The following LIMCH1 variants were observed in gnomAD, a reference collection of about 807,000 sequenced individuals.
LIMCH1 encodes the protein LIM and calponin homology domains-containing protein 1.
A neutral mutation model predicts 176.5 loss-of-function variants in LIMCH1; 113 were observed. That is an observed-to-expected ratio of 0.64 (90% CI 0.55 to 0.75). LIMCH1 has a LOEUF of 0.75. Among genes scored for constraint, LIMCH1 ranks in the 30% least tolerant of loss-of-function variants. The pLI, the probability that LIMCH1 is intolerant of heterozygous loss-of-function variation, is 0.00. For synonymous variants in LIMCH1, 619 were observed against 645.9 expected (o/e 0.96, Z 0.63); for missense variants, 1,674 against 1,814.9 (o/e 0.92, Z 1.41).
chr4:41,395,020 A>G (rs2057648836), intron 1 of LIMCH1, among the ~76,000 whole-genome samples: 1 of 152,234 alleles, frequency 6.6e-6, no homozygotes, highest in Non-Finnish European at 1.5e-5. Context: ...ATGAATTTAA[A>G]GATAGTATTG....
chr4:41,619,590 A>G, intron 6 of LIMCH1, 150 bp downstream of exon 6: 1 of 1,033,300 alleles, frequency 9.7e-7, no homozygotes, highest in East Asian at 2.6e-5. Context: ...CTTTGGAGAG[A>G]GCTTGTCAGG....
upstream of LIMCH1, chr4:41,538,092 C>T (rs1454829289): frequency 3.5e-6 from 3 of 856,286 alleles, no homozygotes; most frequent in African/African-American, 3.7e-5. Context: ...AGGGAATGGG[C>T]TTCTCCGCCT....
At chr4:41,682,590 C>A in intron 26 of LIMCH1, 130 bp downstream of exon 26, 9 of 755,450 alleles carry the variant, frequency 1.2e-5, no homozygotes, top group Admixed American at 3.4e-5. Context: ...TAATACATTA[C>A]ATATTGTTTG....
In LIMCH1 at chr4:41,692,357, T is replaced by G; in HGVS notation, c.4351T>G (p.Cys1451Gly). Residue 1451 changes from cysteine to glycine, a missense_variant, in exon 31 of 32, where the codon TGT (cysteine) becomes GGT (glycine). Transcript: ENST00000503057. ...DVRIRNGLLN[C>G]NDCYMRSRSA... ...TAGGATTCGAAATGGTCTCCTGAAC[T>G]GTAATGATTGCTACATGCGATCCAG... 6.2e-7 allele frequency: 1 copy of G among 1,612,148 alleles called. No homozygotes were observed. Among genetic ancestry groups the G allele is most frequent in the Non-Finnish European group, 8.5e-7 (1 of 1,178,288 alleles).
intron 1 of LIMCH1, among the ~76,000 whole-genome samples, chr4:41,435,375 C>T (rs968711529): frequency 2.6e-5 from 4 of 152,152 alleles, no homozygotes; most frequent in East Asian, 1.9e-4. Context: ...TCCTGTTCCC[C>T]GTGCCGAAGC....
At chr4:41,498,456 C>T (rs887008069) in intron 2 of LIMCH1, among the ~76,000 whole-genome samples, 7 of 152,172 alleles carry the variant, frequency 4.6e-5, no homozygotes, top group Non-Finnish European at 1.0e-4. Flanking sequence ...TTTTGCCATA[C>T]TCATGTCTCT....
At chr4:41,613,102 A>G in intron 4 of LIMCH1, 2 of 1,552,034 alleles carry the variant, frequency 1.3e-6, no homozygotes, top group East Asian at 2.4e-5. Flanking sequence ...AGTCAAGGTT[A>G]AGGTTTTGGT....
chr4:41,661,814 G>T (rs905922346), intron 19 of LIMCH1: 8 of 396,048 alleles, frequency 2.0e-5, no homozygotes, highest in African/African-American at 1.5e-4. Flanking sequence ...GCTAAAAATT[G>T]AGGGTAGGAT....
At chr4:41,493,904 A>G (rs1175219043) in intron 1 of LIMCH1, among the ~76,000 whole-genome samples, 1 of 152,112 alleles carries the variant, frequency 6.6e-6, no homozygotes, top group Non-Finnish European at 1.5e-5. Context: ...TATTGGCTTT[A>G]ATCTTCCCAT....
chr4:41,565,273 G>A (rs541009006), intron 1 of LIMCH1, among the ~76,000 whole-genome samples: 5 of 149,566 alleles, frequency 3.3e-5, no homozygotes, highest in African/African-American at 1.2e-4. Context: ...CTTGCTTTAT[G>A]CATAGTGATT....
intron 1 of LIMCH1, among the ~76,000 whole-genome samples, chr4:41,440,160 C>T (rs1382022714): frequency 6.6e-6 from 1 of 152,044 alleles, no homozygotes; most frequent in Non-Finnish European, 1.5e-5. Flanking sequence ...TTATTAGTTT[C>T]CCCTCTATAA....
chr4:41,544,739 C>T (rs1226571133), intron 1 of LIMCH1, among the ~76,000 whole-genome samples: 1 of 152,180 alleles, frequency 6.6e-6, no homozygotes, highest in East Asian at 1.9e-4. Flanking sequence ...GTTGCCACCA[C>T]GTTTCCCTCT....
intron 4 of LIMCH1, among the ~76,000 whole-genome samples, chr4:41,609,262 T>C (rs1000306540): frequency 1.3e-5 from 2 of 151,456 alleles, no homozygotes; most frequent in African/African-American, 4.8e-5. Context: ...TTTTTCATGA[T>C]ACTTATCATC....
chr4:41,448,042 T>C (rs1582345696), intron 1 of LIMCH1, among the ~76,000 whole-genome samples: 1 of 152,100 alleles, frequency 6.6e-6, no homozygotes, highest in East Asian at 1.9e-4. Context: ...CTGCCTGCCT[T>C]GGCCTCCCAA....
intron 26 of LIMCH1, among the ~76,000 whole-genome samples, chr4:41,683,037 C>T (rs1388999079): frequency 6.6e-6 from 1 of 152,080 alleles, no homozygotes; most frequent in Admixed American, 6.6e-5. Flanking sequence ...CAGTATCAGT[C>T]TTCAAAAGCT....
At chr4:41,644,751 T>C (rs2093990481) in intron 15 of LIMCH1, 125 bp downstream of exon 15, 1 of 1,181,088 alleles carries the variant, frequency 8.5e-7, no homozygotes, top group Non-Finnish European at 1.2e-6. Context: ...TTTCAAAAGG[T>C]GACACGGTAA....
At chr4:41,430,423 C>T (rs9995823) in intron 1 of LIMCH1, among the ~76,000 whole-genome samples, 34,038 of 151,960 alleles carry the variant, frequency 0.22, 4,734 homozygotes, top group African/African-American at 0.38. Flanking sequence ...GCCACTACGC[C>T]CGGCTAATTT....
intron 31 of LIMCH1, 71 bp from the exon 32 acceptor site, chr4:41,697,089 A>G (rs1731276422): frequency 6.6e-7 from 1 of 1,505,776 alleles, no homozygotes; most frequent in African/African-American, 1.4e-5. Context: ...CTCATTAGGG[A>G]GGTTTTAAAA....
At chr4:41,386,144 G>C (rs1428305931) in intron 1 of LIMCH1, 1 of 152,214 alleles carries the variant, frequency 6.6e-6, no homozygotes, top group African/African-American at 2.4e-5. Flanking sequence ...GGGCAGATCA[G>C]TTGTCAACAT....
Sources: gnomAD v4.1 joint callset for allele counts (sites outside exome capture counted in the v4.1 genomes callset) on GRCh38, gnomAD v4.1.1 for gene constraint, MANE v1.5 for transcripts, NCBI Gene and HGNC (gene_info 2026-07-23, HGNC 2026-07-21) for gene names.